CPNE4: variants seen among roughly 807,000 people sequenced by gnomAD.
CPNE4 encodes the protein copine 4.
Under a neutral mutation model 67.9 loss-of-function variants are expected in CPNE4, and 25 were observed. The observed-to-expected ratio is 0.37, with a 90% CI of 0.27 to 0.51. The LOEUF (loss-of-function observed/expected upper bound fraction) is 0.51, where lower values mean the gene tolerates loss of function less well. Ranked by LOEUF, CPNE4 falls within the 20% of genes least tolerant of loss-of-function variation. CPNE4 has a pLI of 0.93. For missense variants in CPNE4, 464 were observed against 690.8 expected, an observed-to-expected ratio of 0.67 and a Z score of 3.68; for synonymous variants, 242 against 244.9, an observed-to-expected ratio of 0.99 and a Z score of 0.11.
At chr3:131,552,810 C>T (rs1245856794) in intron 12 of CPNE4, among the ~76,000 whole-genome samples, 1 of 152,002 alleles carries the variant, frequency 6.6e-6, no homozygotes, top group Non-Finnish European at 1.5e-5. Context: ...TAGAACTGGC[C>T]ACAGACTGGA....
rs16837861 is a variant in CPNE4, at chr3:131,813,835, A to C, written c.181-90210T>G. Among the ~76,000 whole-genome samples the C allele has an allele frequency of 4.4e-3, 666 of 152,292 alleles. 8 individuals are homozygous for C. Among genetic ancestry groups the C allele is most frequent in the African/African-American group, 0.016 (646 of 41,566 alleles). ...TCACAGTATTTGAGTCCAAGATCCA[A>C]TATGCTTAATTATACCAGACATGAT... On this transcript the variant is annotated intron_variant, in intron 2 of 15. Transcript: ENST00000429747.
intron 1 of CPNE4, among the ~76,000 whole-genome samples, chr3:131,953,849 TAAC>T (rs2071854034): frequency 6.6e-6 from 1 of 152,314 alleles, no homozygotes; most frequent in African/African-American, 2.4e-5. Flanking sequence ...TGACTATAAT[TAAC>T]AATCATTTCT....
intron 7 of CPNE4, among the ~76,000 whole-genome samples, chr3:131,667,561 A>G (rs2080296397): frequency 1.3e-5 from 2 of 151,940 alleles, no homozygotes; most frequent in African/African-American, 4.8e-5. Context: ...CCAAACGTCA[A>G]TAGTGCACGT....
intron 14 of CPNE4, among the ~76,000 whole-genome samples, chr3:131,545,288 C>T (rs1310003495): frequency 1.3e-5 from 2 of 152,152 alleles, no homozygotes; most frequent in Non-Finnish European, 2.9e-5. Context: ...TCTCAGCTTG[C>T]AAGCCATTGA....
intron 7 of CPNE4, among the ~76,000 whole-genome samples, chr3:131,598,503 G>A (rs57057045): frequency 0.18 from 27,981 of 152,026 alleles, 4,296 homozygotes; most frequent in African/African-American, 0.43. Flanking sequence ...TTATTGTCTC[G>A]TGGTGATCCT....
intron 1 of CPNE4, among the ~76,000 whole-genome samples, chr3:131,971,732 A>G (rs971422723): frequency 6.6e-6 from 1 of 152,088 alleles, no homozygotes; most frequent in Non-Finnish European, 1.5e-5. Context: ...ACTGGCAGGG[A>G]AGCAAAGACC....
At chr3:131,909,982 G>T (rs1296405069) in intron 1 of CPNE4, among the ~76,000 whole-genome samples, 1 of 152,066 alleles carries the variant, frequency 6.6e-6, no homozygotes, top group Non-Finnish European at 1.5e-5. Context: ...ATTTGAAGCT[G>T]GGAAATGGGC....
chr3:131,545,297 G>T (rs1935764462), intron 14 of CPNE4, among the ~76,000 whole-genome samples: 1 of 152,100 alleles, frequency 6.6e-6, no homozygotes, highest in African/African-American at 2.4e-5. Flanking sequence ...GCAAGCCATT[G>T]AAAAACAGTT....
intron 7 of CPNE4, among the ~76,000 whole-genome samples, chr3:131,642,540 T>C (rs952533693): frequency 6.6e-6 from 1 of 152,192 alleles, no homozygotes; most frequent in Non-Finnish European, 1.5e-5. Flanking sequence ...ATGGCTGATA[T>C]GGTTTGGCAG....
At chr3:131,864,914 G>A (rs985670378) in intron 2 of CPNE4, among the ~76,000 whole-genome samples, 7 of 152,064 alleles carry the variant, frequency 4.6e-5, no homozygotes, top group African/African-American at 1.7e-4. Flanking sequence ...TTTTTAGCAC[G>A]AAGGGTTGTT....
intron 7 of CPNE4, among the ~76,000 whole-genome samples, chr3:131,605,807 T>A (rs995363125): frequency 9.2e-5 from 14 of 152,132 alleles, no homozygotes; most frequent in African/African-American, 3.4e-4. Flanking sequence ...AATTAAAGAT[T>A]ACTCCCCAAA....
chr3:131,596,547 G>A (rs1392808589), intron 7 of CPNE4, among the ~76,000 whole-genome samples: 2 of 114,480 alleles, frequency 1.7e-5, no homozygotes, highest in African/African-American at 8.2e-5. Flanking sequence ...GCGTGAACCC[G>A]GGAGGCGGAG....
chr3:131,752,630 T>C (rs2082658252), intron 2 of CPNE4, among the ~76,000 whole-genome samples: 1 of 152,146 alleles, frequency 6.6e-6, no homozygotes, highest in Admixed American at 6.5e-5. Context: ...TTGCCATATT[T>C]AGTGAGATGA....
At chr3:132,015,423 A>C (rs1017181626) in intron 1 of CPNE4, among the ~76,000 whole-genome samples, 2 of 152,112 alleles carry the variant, frequency 1.3e-5, no homozygotes, top group Non-Finnish European at 2.9e-5. Context: ...CTGATAAAAG[A>C]AGGGAAGGAA....
At chr3:131,807,626 G>A (rs1382446626) in intron 2 of CPNE4, among the ~76,000 whole-genome samples, 2 of 152,028 alleles carry the variant, frequency 1.3e-5, no homozygotes, top group African/African-American at 4.8e-5. Context: ...GGTCATAGGG[G>A]AATACACTTT....
chr3:131,686,027 T>A, intron 5 of CPNE4, 69 bp from the exon 6 acceptor site: 1 of 851,068 alleles, frequency 1.2e-6, no homozygotes, highest in Non-Finnish European at 1.9e-6. Flanking sequence ...CAATCAGGAA[T>A]ATTTAATCAA....
At chr3:131,739,264 C>T (rs918541124) in intron 2 of CPNE4, among the ~76,000 whole-genome samples, 3 of 152,130 alleles carry the variant, frequency 2.0e-5, no homozygotes, top group Admixed American at 6.6e-5. Flanking sequence ...TTCCCCTGCC[C>T]TAATCACCAG....
intron 1 of CPNE4, among the ~76,000 whole-genome samples, chr3:131,944,605 C>G (rs185221404): frequency 3.9e-5 from 6 of 151,920 alleles, no homozygotes; most frequent in Non-Finnish European, 7.4e-5. Context: ...CCTCTCTCTC[C>G]CTACAGATGA....
intron 2 of CPNE4, among the ~76,000 whole-genome samples, chr3:131,870,620 T>C (rs1039054874): frequency 2.6e-5 from 4 of 152,158 alleles, no homozygotes; most frequent in African/African-American, 9.7e-5. Context: ...CCTTTTCTTT[T>C]CTCCCCCTCC....
Sources: gnomAD v4.1 joint callset for allele counts (sites outside exome capture counted in the v4.1 genomes callset) on GRCh38, gnomAD v4.1.1 for gene constraint, MANE v1.5 for transcripts, NCBI Gene and HGNC (gene_info 2026-07-23, HGNC 2026-07-21) for gene names.